LRP1B: variants seen among roughly 807,000 people sequenced by gnomAD.
The protein encoded by LRP1B is low-density lipoprotein receptor-related protein 1B.
Under a neutral mutation model 556.6 loss-of-function variants are expected in LRP1B, and 217 were observed. The ratio of observed to expected loss-of-function variants is 0.39; its 90% CI spans 0.35 to 0.44. The LOEUF (loss-of-function observed/expected upper bound fraction) is 0.44, where lower values mean the gene tolerates loss of function less well. Among genes scored for constraint, LRP1B ranks in the 20% least tolerant of loss-of-function variants. The probability of loss-of-function intolerance (pLI) is 1.00; values close to 1 mark genes in which losing one functional copy is unlikely to be tolerated. For synonymous variants in LRP1B, 2,047 were observed against 1,865.8 expected (o/e 1.10, Z -2.50); for missense variants, 5,053 against 5,620.8 (o/e 0.90, Z 3.23).
chr2:140,559,222 C>T (rs911221983), intron 43 of LRP1B, among the ~76,000 whole-genome samples: 2 of 151,030 alleles, frequency 1.3e-5, no homozygotes, highest in South Asian at 2.1e-4. Flanking sequence ...TTTTAACAAC[C>T]GAAAATTTCC....
At chr2:141,838,459 G>A (rs1386848333) in intron 1 of LRP1B, among the ~76,000 whole-genome samples, 1 of 152,102 alleles carries the variant, frequency 6.6e-6, no homozygotes, top group Admixed American at 6.6e-5. Context: ...TCATTCAACT[G>A]AACTATGATA....
At chr2:141,433,766 G>C (rs1412155352) in intron 3 of LRP1B, among the ~76,000 whole-genome samples, 1 of 151,634 alleles carries the variant, frequency 6.6e-6, no homozygotes, top group Non-Finnish European at 1.5e-5. Context: ...TTCCTACATG[G>C]AGTTTGTTGC....
At chr2:142,123,728 A>T (rs998820484) in intron 1 of LRP1B, among the ~76,000 whole-genome samples, 3 of 151,814 alleles carry the variant, frequency 2.0e-5, no homozygotes, top group African/African-American at 2.4e-5. Flanking sequence ...TACTTTCTCA[A>T]CTTCTGTAAA....
At chr2:140,976,094 A>G (rs1573942063) in intron 18 of LRP1B, among the ~76,000 whole-genome samples, 1 of 151,508 alleles carries the variant, frequency 6.6e-6, no homozygotes, top group South Asian at 2.1e-4. Flanking sequence ...ATTTTTTTGT[A>G]TTTTTTGTAG....
chr2:142,086,419 C>A (rs1705925088), intron 1 of LRP1B, among the ~76,000 whole-genome samples: 1 of 152,102 alleles, frequency 6.6e-6, no homozygotes, highest in Non-Finnish European at 1.5e-5. Context: ...ACCATCCTGG[C>A]CAACATGGTG....
intron 16 of LRP1B, 25 bp downstream of exon 16, chr2:140,993,970 T>C (rs1342541356): frequency 1.9e-6 from 3 of 1,607,926 alleles, no homozygotes; most frequent in African/African-American, 2.7e-5. Flanking sequence ...AATACAATTT[T>C]TAGGTGACTT....
chr2:141,806,178 A>T (rs766294212), intron 2 of LRP1B, among the ~76,000 whole-genome samples: 1 of 152,110 alleles, frequency 6.6e-6, no homozygotes, highest in Non-Finnish European at 1.5e-5. Context: ...GAAGGAATTA[A>T]ATCTTGAATA....
intron 32 of LRP1B, among the ~76,000 whole-genome samples, chr2:140,791,872 A>G (rs768961017): frequency 6.6e-6 from 1 of 152,184 alleles, no homozygotes; most frequent in African/African-American, 2.4e-5. Flanking sequence ...AGCTGAAGGC[A>G]ATTGAGAATC....
chr2:142,037,553 A>G (rs1164661634), intron 1 of LRP1B, among the ~76,000 whole-genome samples: 1 of 151,640 alleles, frequency 6.6e-6, no homozygotes, highest in Non-Finnish European at 1.5e-5. Context: ...AAAATTCCCA[A>G]TCTGGAAATA....
chr2:140,576,288 C>T (rs1681522948), intron 43 of LRP1B, among the ~76,000 whole-genome samples: 1 of 152,196 alleles, frequency 6.6e-6, no homozygotes, highest in African/African-American at 2.4e-5. Context: ...TGCAGACTCT[C>T]AAATGTGTTG....
At position 141,287,717 on chromosome 2, in the gene LRP1B, T is replaced by G. The variant is rs367556349; in HGVS notation, c.344-33076A>C. ...CTTTTCCATTGTGGTGAGAGACTAT[T>G]TCCTGCATGATATAAAGTGTTTTAA... On this transcript the variant is annotated intron_variant, in intron 3 of 90. Transcript: ENST00000389484. Among the ~76,000 whole-genome samples, 9 of 152,308 alleles carry G rather than the reference T, an allele frequency of 5.9e-5. No homozygotes were observed. In the South Asian group the frequency reaches 1.9e-3, roughly 32 times the overall value.
intron 25 of LRP1B, among the ~76,000 whole-genome samples, chr2:140,880,910 T>C (rs1233584083): frequency 6.6e-6 from 1 of 152,132 alleles, no homozygotes; most frequent in Non-Finnish European, 1.5e-5. Context: ...TTAGCACAAG[T>C]ATATATTCAA....
intron 17 of LRP1B, among the ~76,000 whole-genome samples, chr2:140,988,195 G>A (rs935106090): frequency 6.6e-6 from 1 of 151,954 alleles, no homozygotes; most frequent in Non-Finnish European, 1.5e-5. Flanking sequence ...GTTAAGTTTA[G>A]GCAAGTTCCC....
chr2:142,093,481 A>G (rs1706248049), intron 1 of LRP1B, among the ~76,000 whole-genome samples: 1 of 152,132 alleles, frequency 6.6e-6, no homozygotes, highest in Admixed American at 6.6e-5. Context: ...GGCAAAGGGA[A>G]TAAACGTGAT....
At chr2:141,010,735 C>T (rs1386290820) in intron 14 of LRP1B, among the ~76,000 whole-genome samples, 2 of 151,794 alleles carry the variant, frequency 1.3e-5, no homozygotes, top group South Asian at 2.1e-4. Context: ...AGGCTGGTCT[C>T]GAACTCCTGA....
chr2:142,035,654 A>G (rs1454067344), intron 1 of LRP1B, among the ~76,000 whole-genome samples: 1 of 151,632 alleles, frequency 6.6e-6, no homozygotes, highest in Non-Finnish European at 1.5e-5. Flanking sequence ...GTCTAGTTTA[A>G]CAACAACTTT....
intron 3 of LRP1B, among the ~76,000 whole-genome samples, chr2:141,343,487 T>C (rs1688141916): frequency 6.6e-6 from 1 of 152,218 alleles, no homozygotes; most frequent in African/African-American, 2.4e-5. Context: ...GTGTGCTAGA[T>C]ATTTTTGTGG....
intron 18 of LRP1B, among the ~76,000 whole-genome samples, chr2:140,972,129 C>T (rs564385881): frequency 6.6e-6 from 1 of 152,176 alleles, no homozygotes; most frequent in South Asian, 2.1e-4. Context: ...CAGGTATTTA[C>T]AAAACAGGAA....
Position 141,015,844 on chromosome 2 carries a change from A to G in LRP1B, c.2042T>C (p.Met681Thr), listed in dbSNP as rs757045977. Residue 681 changes from methionine to threonine, a missense_variant, in exon 13 of 91, where the codon ATG becomes ACG. By Grantham distance (81) the Met-to-Thr change is moderately conservative (BLOSUM62 -1). Transcript: ENST00000389484. The stretch of plus-strand genomic sequence containing the variant: ...AAAAATCTGCCGATTGAATCCATCC[A>G]TCCAGGCCTTCTCAATCCTTCCCAC... ...DSVGRIEKAW[M>T]DGFNRQIFVT... is the part of the protein sequence containing the mutation. 6.2e-7 allele frequency: 1 copy of G among 1,613,638 alleles called. No homozygotes were observed. The highest frequency in any genetic ancestry group is 1.1e-5 in the South Asian group (1 of 91,082).
Sources: gnomAD v4.1 joint callset for allele counts (sites outside exome capture counted in the v4.1 genomes callset) on GRCh38, gnomAD v4.1.1 for gene constraint, MANE v1.5 for transcripts, NCBI Gene and HGNC (gene_info 2026-07-23, HGNC 2026-07-21) for gene names.